Variants in STT3B observed in about 807,000 individuals in gnomAD.
The protein encoded by STT3B is dolichyl-diphosphooligosaccharide--protein glycosyltransferase subunit STT3B.
STT3B carries 29 observed loss-of-function variants against 96.8 expected under a neutral mutation model. The observed-to-expected ratio is 0.30, with a 90% CI of 0.22 to 0.41. STT3B has a LOEUF of 0.41. Ranked by LOEUF, STT3B falls within the 10% of genes least tolerant of loss-of-function variation. The pLI is 1.00. For missense variants in STT3B, 640 were observed against 1,022.3 expected, an observed-to-expected ratio of 0.63 and a Z score of 5.10; for synonymous variants, 367 against 360.0, an observed-to-expected ratio of 1.02 and a Z score of -0.22.
At chr3:31,628,019 A>AG (rs1299599823) in intron 13 of STT3B, among the ~76,000 whole-genome samples, 2 of 151,928 alleles carry the variant, frequency 1.3e-5, no homozygotes, top group Non-Finnish European at 2.9e-5. Flanking sequence ...CCTAAAAAAA[A>AG]AAAAGTTCCT....
At chr3:31,634,968 G>A (rs1263158114) in intron 15 of STT3B, among the ~76,000 whole-genome samples, 3 of 152,124 alleles carry the variant, frequency 2.0e-5, no homozygotes, top group African/African-American at 4.8e-5. Context: ...CTAATTTTTA[G>A]TACCTTAAGA....
chr3:31,570,743 T>C (rs9833491), intron 1 of STT3B, among the ~76,000 whole-genome samples: 87,013 of 151,972 alleles, frequency 0.57, 27,801 homozygotes, highest in Non-Finnish European at 0.72. Context: ...GGCTCAATTC[T>C]GAATACAACG....
intron 5 of STT3B, among the ~76,000 whole-genome samples, chr3:31,614,798 A>G (rs377045276): frequency 6.6e-6 from 1 of 151,930 alleles, no homozygotes; most frequent in South Asian, 2.1e-4. Context: ...CTTGAGTCGT[A>G]TGAATGATTG....
chr3:31,581,938 T>G (rs898597129), intron 3 of STT3B, among the ~76,000 whole-genome samples: 7 of 152,214 alleles, frequency 4.6e-5, no homozygotes, highest in Non-Finnish European at 8.8e-5. Context: ...TGTGTTTCTA[T>G]TAATAGGACT....
rs529524032 is a variant in STT3B, at chr3:31,566,241, T to C, written c.315-10155T>C. ...GATACAAATGATTTACCTGCATTAA[T>C]TGCCCTGTTGCTGTTTGGAATCACC... On this transcript the variant is annotated intron_variant, in intron 1 of 15. Transcript: ENST00000295770. Among the ~76,000 whole-genome samples the C allele has an allele frequency of 1.1e-4, 16 of 152,328 alleles. No homozygotes were observed. In the South Asian group the frequency reaches 3.3e-3, roughly 32 times the overall value.
chr3:31,625,847 G>A, intron 12 of STT3B, 107 bp from the exon 13 acceptor site: 1 of 1,099,756 alleles, frequency 9.1e-7, no homozygotes, highest in African/African-American at 1.6e-5. Flanking sequence ...AAAATTCCAT[G>A]TAAAACAAAC....
chr3:31,627,485 T>C (rs1372744995), intron 13 of STT3B, among the ~76,000 whole-genome samples: 1 of 152,200 alleles, frequency 6.6e-6, no homozygotes. Flanking sequence ...CTTACCTCTT[T>C]CACTAAATTG....
chr3:31,545,849 G>C (rs1481598692), intron 1 of STT3B, among the ~76,000 whole-genome samples: 1 of 144,068 alleles, frequency 6.9e-6, no homozygotes, highest in Non-Finnish European at 1.5e-5. Context: ...ATCAGCTATC[G>C]TTAGTGTATT....
chr3:31,539,674 G>T (rs887082432), intron 1 of STT3B, among the ~76,000 whole-genome samples: 1 of 152,102 alleles, frequency 6.6e-6, no homozygotes, highest in African/African-American at 2.4e-5. Context: ...TGATTACTTT[G>T]ATTGTTTTGA....
chr3:31,578,683 C>T (rs774123585), intron 2 of STT3B, among the ~76,000 whole-genome samples: 11 of 151,468 alleles, frequency 7.3e-5, no homozygotes, highest in Non-Finnish European at 1.2e-4. Context: ...TTTTCCTCCC[C>T]CTCCCCCTTT....
chr3:31,630,581 T>C (rs1359417107), intron 14 of STT3B, among the ~76,000 whole-genome samples: 1 of 152,228 alleles, frequency 6.6e-6, no homozygotes, highest in African/African-American at 2.4e-5. Context: ...TCCTTTGTTA[T>C]AAGTGTCTGT....
At chr3:31,618,057 T>A in intron 8 of STT3B, 69 bp downstream of exon 8, 1 of 1,096,132 alleles carries the variant, frequency 9.1e-7, no homozygotes, top group Non-Finnish European at 1.4e-6. Context: ...TTTATCTGTT[T>A]TGTCAGTGTT....
Position 31,533,027 on chromosome 3 carries a change from A to T in STT3B, c.29A>T (p.Lys10Met), listed in dbSNP as rs1575399079. ...GCGGAGCCCTCGGCCCCGGAGAGCA[A>T]GCACAAGTCGTCCCTCAACTCGTCC... MAEPSAPES[K>M]HKSSLNSSPW... Residue 10 changes from lysine to methionine, a missense_variant, in exon 1 of 16, where the codon AAG becomes ATG. Physicochemically the swap from Lys to Met is moderately conservative, Grantham distance 95 (BLOSUM62 -1). Around this residue, in one of 8 missense-constraint regions of STT3B, gnomAD observed 89 missense variants for 81.7 expected, o/e 1.09. Coordinates refer to ENST00000295770, the MANE Select transcript of STT3B (RefSeq NM_178862.3). 6.3e-7 allele frequency: 1 copy of T among 1,588,660 alleles called. No individual in the cohort carries two copies. Among genetic ancestry groups the T allele is most frequent in the Non-Finnish European group, 8.6e-7 (1 of 1,169,020 alleles).
At chr3:31,621,975 C>T in intron 9 of STT3B, 122 bp from the exon 10 acceptor site, 1 of 683,768 alleles carries the variant, frequency 1.5e-6, no homozygotes, top group Non-Finnish European at 2.6e-6. Context: ...AATTTAGAAA[C>T]AATTAGATCG....
intron 9 of STT3B, chr3:31,620,274 CAA>C (rs536047611): frequency 4.3e-4 from 35 of 81,032 alleles, no homozygotes; most frequent in East Asian, 9.5e-4. Context: ...GACTCTGTCT[CAA>C]AAAAAAAAAA....
intron 1 of STT3B, among the ~76,000 whole-genome samples, chr3:31,545,316 A>G (rs1045025314): frequency 1.3e-5 from 2 of 152,208 alleles, no homozygotes; most frequent in African/African-American, 4.8e-5. Flanking sequence ...CTGCATTTCA[A>G]TGAAGTGTCA....
chr3:31,566,020 T>A (rs1435963205), intron 1 of STT3B, among the ~76,000 whole-genome samples: 1 of 152,196 alleles, frequency 6.6e-6, no homozygotes, highest in African/African-American at 2.4e-5. Context: ...AAATACTTGT[T>A]TAGCATTTGA....
At chr3:31,614,444 C>A (rs1220887465) in intron 5 of STT3B, among the ~76,000 whole-genome samples, 1 of 151,872 alleles carries the variant, frequency 6.6e-6, no homozygotes, top group East Asian at 1.9e-4. Context: ...GATTGACAAA[C>A]TTAATTTAGA....
chr3:31,552,748 G>C (rs906372206), intron 1 of STT3B, among the ~76,000 whole-genome samples: 5 of 152,142 alleles, frequency 3.3e-5, no homozygotes, highest in African/African-American at 1.2e-4. Flanking sequence ...GCTTTGTGAG[G>C]ACAGGTCCGT....
Sources: allele counts gnomAD v4.1 joint callset (sites outside exome capture counted in the v4.1 genomes callset), GRCh38; gene constraint gnomAD v4.1.1; regional missense constraint gnomAD v4.1.1; transcripts MANE v1.5; gene names NCBI Gene and HGNC (gene_info 2026-07-23, HGNC 2026-07-21).